The following NAV1 variants were observed in gnomAD, a reference collection of about 807,000 sequenced individuals.
The protein encoded by NAV1 is neuron navigator 1, also known as pore membrane and/or filament interacting like protein 3.
A neutral mutation model predicts 175.2 loss-of-function variants in NAV1; 18 were observed. That is an observed-to-expected ratio of 0.10 (90% CI 0.07 to 0.15). NAV1 has a LOEUF of 0.15. Among genes scored for constraint, NAV1 ranks in the 10% least tolerant of loss-of-function variants. The probability of loss-of-function intolerance (pLI) is 1.00; values close to 1 mark genes in which losing one functional copy is unlikely to be tolerated. For missense variants in NAV1, 1,731 were observed against 2,436.6 expected (o/e 0.71, Z 6.10); for synonymous variants, 897 against 978.7 (o/e 0.92, Z 1.56).
At chr1:201,598,629 T>C (rs1003847367) in intron 2 of NAV1, among the ~76,000 whole-genome samples, 1 of 151,932 alleles carries the variant, frequency 6.6e-6, no homozygotes, top group African/African-American at 2.4e-5. Flanking sequence ...GAGCAGGGGG[T>C]GGAGCTGTGA....
intron 10 of NAV1, among the ~76,000 whole-genome samples, chr1:201,789,348 C>T (rs932698140): frequency 5.3e-5 from 8 of 152,156 alleles, no homozygotes; most frequent in African/African-American, 9.7e-5. Context: ...GGAGGAGGCG[C>T]GGGCAGAATT....
At chr1:201,644,298 C>A (rs1668904041), upstream of NAV1, among the ~76,000 whole-genome samples, 1 of 152,160 alleles carries the variant, frequency 6.6e-6, no homozygotes, top group Non-Finnish European at 1.5e-5. Flanking sequence ...GATAATGTGA[C>A]AGGGCAGGTC....
In NAV1 at chr1:201,699,231, C is replaced by T. The variant is rs540728574; in HGVS notation, c.758-13586C>T. ...AAAATCTCCTTAAGCTGATAAGCAA[C>T]TTCAGCAAAGTCTCAGGATACAAAA... On this transcript the variant is annotated intron_variant, in intron 1 of 29. Coordinates refer to ENST00000367296, the Ensembl canonical transcript of NAV1. 6.5e-3 allele frequency among the ~76,000 whole-genome samples: 984 copies of T among 152,324 alleles called. 11 individuals are homozygous for T. Among genetic ancestry groups the T allele is most frequent in the African/African-American group, 0.022 (916 of 41,556 alleles).
rs1254987304 is a variant in NAV1, at chr1:201,812,324, G to A, written c.5025-141G>A. ...CCCCAGGGCTGCTGCTCTGAGTTCCGATGTCCCCACTATTACTTGAAAAGA... is the reference window on the plus strand; with the variant it reads ...CCCCAGGGCTGCTGCTCTGAGTTCCAATGTCCCCACTATTACTTGAAAAGA... On this transcript the variant is annotated intron_variant, in intron 26 of 29. Coordinates refer to ENST00000367296, the Ensembl canonical transcript of NAV1. The surrounding 1 kb of genome is among the most constrained non-coding windows in gnomAD (Gnocchi z 4.6). The A allele has an allele frequency of 2.4e-5, 19 of 806,786 alleles. No homozygotes were observed. Among genetic ancestry groups the A allele is most frequent in the South Asian group, 3.4e-5 (2 of 58,326 alleles). 50.0% of individuals were successfully genotyped at this position (806,786 alleles called of 1,614,324 possible).
At chr1:201,674,421 G>T (rs756793333) in intron 1 of NAV1, among the ~76,000 whole-genome samples, 5 of 152,092 alleles carry the variant, frequency 3.3e-5, no homozygotes, top group Non-Finnish European at 7.4e-5. Flanking sequence ...CCAGCCCAGG[G>T]CTTCTAAGAA....
chr1:201,656,590 T>G (rs1669413709), intron 1 of NAV1, among the ~76,000 whole-genome samples: 2 of 152,156 alleles, frequency 1.3e-5, no homozygotes, highest in Non-Finnish European at 2.9e-5. Context: ...GTTAATAGGT[T>G]GTATGGCACA....
intron 1 of NAV1, among the ~76,000 whole-genome samples, chr1:201,711,305 G>A (rs1417465753): frequency 6.6e-6 from 1 of 152,226 alleles, no homozygotes; most frequent in African/African-American, 2.4e-5. Flanking sequence ...AGGGATGGCT[G>A]GGCTTGGGTG....
chr1:201,734,120 A>G (rs919410947), intron 3 of NAV1, among the ~76,000 whole-genome samples: 1 of 152,124 alleles, frequency 6.6e-6, no homozygotes, highest in South Asian at 2.1e-4. Context: ...TAAAGAAGAT[A>G]ACATTGGCCA....
At chr1:201,818,717 G>A (rs1679215387) in intron 29 of NAV1, among the ~76,000 whole-genome samples, 1 of 152,124 alleles carries the variant, frequency 6.6e-6, no homozygotes, top group Non-Finnish European at 1.5e-5. Context: ...TGGTGGGAGT[G>A]GTTGTTGATA....
intron 3 of NAV1, among the ~76,000 whole-genome samples, chr1:201,726,214 A>C (rs1180339102): frequency 6.6e-6 from 1 of 152,362 alleles, no homozygotes; most frequent in East Asian, 1.9e-4. Flanking sequence ...TTGCTGTGGC[A>C]CTGAGAAAGC....
intron 3 of NAV1, among the ~76,000 whole-genome samples, chr1:201,776,598 A>G (rs1165082032): frequency 6.7e-6 from 1 of 149,348 alleles, no homozygotes; most frequent in Non-Finnish European, 1.5e-5. Context: ...CCCAGATTGC[A>G]CCACTGCACT....
rs377451241 is a variant in NAV1, at chr1:201,808,407, C to T, written c.3846-11C>T. ...TTCATGTAGCCTGGCTTGACTCTTG[C>T]TATCTTACAGGGGCCCTGCTCACCC... On this transcript the variant is annotated splice_polypyrimidine_tract_variant and intron_variant, in intron 18 of 29. Coordinates refer to ENST00000367296, the Ensembl canonical transcript of NAV1. This position sits in a 1 kb window ranked among gnomAD's most constrained non-coding sequence, Gnocchi z 5.5. The T allele has an allele frequency of 2.5e-6, 4 of 1,603,418 alleles. No individual in the cohort carries two copies. The highest frequency in any genetic ancestry group is 1.3e-5 in the African/African-American group (1 of 74,578).
At chr1:201,587,187 G>A (rs1018824509) in intron 1 of NAV1, among the ~76,000 whole-genome samples, 5 of 151,930 alleles carry the variant, frequency 3.3e-5, no homozygotes, top group Non-Finnish European at 7.4e-5. Context: ...CTCCTGCCTG[G>A]GCAACAGAGC....
chr1:201,642,063 CT>C lies in NAV1; in HGVS notation c.5-6564del, dbSNP rs745642450. On this transcript the variant is annotated intron_variant, in intron 2 of 29. Coordinates refer to the NAV1 transcript ENST00000367302. ...TCCTTTCCTTCCTTCCCTTTTCTTTCTTTTTTTCCTTCCTCCCTCCCTCCCT... is the reference window on the plus strand; with the variant it reads ...TCCTTTCCTTCCTTCCCTTTTCTTTCTTTTTTCCTTCCTCCCTCCCTCCCT... Among the ~76,000 whole-genome samples the C allele has an allele frequency of 3.3e-4, 49 of 147,394 alleles. No homozygotes were observed. The East Asian group carries it at 5.6e-3, about 17-fold the overall frequency.
rs183877707 is a variant in NAV1, at chr1:201,762,070, G to A, written c.1227-18351G>A. ...ACCTACTCAGGAAGCTGAGGTGCGA[G>A]GATCCCTTGAGCTCTGGAGCTTGAG... is the stretch of plus-strand genomic sequence containing the variant. On this transcript the variant is annotated intron_variant, in intron 3 of 29. Transcript: ENST00000367296. Among the ~76,000 whole-genome samples, 317 of 152,322 alleles carry A rather than the reference G, an allele frequency of 2.1e-3. 2 individuals are homozygous for A. The highest frequency in any genetic ancestry group is 7.4e-3 in the African/African-American group (307 of 41,574).
exon 5 of NAV1, chr1:201,781,087 C>T (rs1362627960): frequency 1.2e-6 from 2 of 1,613,986 alleles, no homozygotes; most frequent in Non-Finnish European, 1.7e-6. Context: ...GGAGAAAGCC[C>T]CTAAAAAACT....
At position 201,630,547 on chromosome 1, in the gene NAV1, T is replaced by C. The variant is rs12405610; in HGVS notation, c.4+1040T>C. On this transcript the variant is annotated intron_variant, in intron 2 of 29. Coordinates refer to the NAV1 transcript ENST00000367302. ...TCTTGGCCTGGGAGCTGGGACCTTT[T>C]GAGCCCTTTCTAGGCCTGGTCTATA... Among the ~76,000 whole-genome samples, 837 of 152,292 alleles carry C rather than the reference T, an allele frequency of 5.5e-3. 37 individuals carry two copies. The highest frequency in any genetic ancestry group is 0.05 in the Admixed American group (769 of 15,292).
Position 201,547,803 on chromosome 1 carries a change from A to G in NAV1, c.-144+8461A>G, listed in dbSNP as rs1665713453. On this transcript the variant is annotated intron_variant, in intron 1 of 33. Transcript: ENST00000685211. ...TCACTAGGTCTTTTTTTAAATTACT[A>G]TTATTTTTTGAGACGGAGTCTTGCT... Among the ~76,000 whole-genome samples the G allele has an allele frequency of 2.0e-5, 3 of 152,014 alleles. No individual in the cohort carries two copies. In the South Asian group the frequency reaches 6.2e-4, roughly 32 times the overall value.
chr1:201,629,587 C>T, intron 2 of NAV1, 80 bp downstream of exon 4: 1 of 959,158 alleles, frequency 1.0e-6, no homozygotes, highest in Non-Finnish European at 1.4e-6. Flanking sequence ...AAGAAGTGAC[C>T]TAGGCTGGAT....
Sources: gnomAD v4.1 joint callset for allele counts (sites outside exome capture counted in the v4.1 genomes callset) on GRCh38, gnomAD v4.1.1 for gene constraint, Gnocchi (gnomAD v3.1) non-coding constraint, MANE v1.5 for transcripts, NCBI Gene and HGNC (gene_info 2026-07-23, HGNC 2026-07-21) for gene names.